Variants in HSPA12A observed in about 807,000 individuals in gnomAD.
HSPA12A encodes heat shock protein family A (Hsp70) member 12A, also known as heat shock 70 kDa protein 12A.
HSPA12A carries 28 observed loss-of-function variants against 69.2 expected under a neutral mutation model. That is an observed-to-expected ratio of 0.40 (90% CI 0.30 to 0.55). The LOEUF (loss-of-function observed/expected upper bound fraction) is 0.55, where lower values mean the gene tolerates loss of function less well. Among genes scored for constraint, HSPA12A ranks in the 20% least tolerant of loss-of-function variants. HSPA12A has a pLI of 0.38. For synonymous variants in HSPA12A, 345 were observed against 370.5 expected (o/e 0.93, Z 0.79); for missense variants, 686 against 900.7 (o/e 0.76, Z 3.05).
intron 6 of HSPA12A, among the ~76,000 whole-genome samples, chr10:116,685,942 T>C (rs1340130011): frequency 1.3e-5 from 2 of 152,092 alleles, no homozygotes; most frequent in Non-Finnish European, 2.9e-5. Flanking sequence ...CCTCTTCCCA[T>C]CACCTAGTAC....
At chr10:116,690,941 G>C (rs1554880083) in intron 6 of HSPA12A, among the ~76,000 whole-genome samples, 1 of 152,242 alleles carries the variant, frequency 6.6e-6, no homozygotes, top group African/African-American at 2.4e-5. Context: ...CAGAACGCCA[G>C]GTGGCGTCTC....
chr10:116,842,385 T>C (rs887407746), intron 1 of HSPA12A, among the ~76,000 whole-genome samples: 13 of 152,194 alleles, frequency 8.5e-5, no homozygotes, highest in Non-Finnish European at 1.8e-4. Context: ...CCTTTAACAT[T>C]TTCTTCACTC....
intron 2 of HSPA12A, among the ~76,000 whole-genome samples, chr10:116,807,265 G>C (rs1272166685): frequency 6.6e-6 from 1 of 152,066 alleles, no homozygotes; most frequent in Non-Finnish European, 1.5e-5. Context: ...CCCTTCCACG[G>C]GGTCACTGTG....
At chr10:116,698,821 A>T (rs1010396054) in intron 4 of HSPA12A, 82 bp from the exon 5 acceptor site, 8 of 1,066,560 alleles carry the variant, frequency 7.5e-6, no homozygotes, top group African/African-American at 1.6e-5. Flanking sequence ...CTCCAAGGGG[A>T]CCTAGAGGAT....
chr10:116,770,001 C>T (rs1844165393), intron 2 of HSPA12A, among the ~76,000 whole-genome samples: 2 of 152,194 alleles, frequency 1.3e-5, no homozygotes, highest in Admixed American at 1.3e-4. Flanking sequence ...CACAGAGCTC[C>T]AAGGTCATTT....
chr10:116,822,413 A>G (rs1363395124), intron 2 of HSPA12A, among the ~76,000 whole-genome samples: 1 of 152,234 alleles, frequency 6.6e-6, no homozygotes, highest in East Asian at 1.9e-4. Flanking sequence ...GAACATACAG[A>G]AAGCAGGAAT....
intron 2 of HSPA12A, among the ~76,000 whole-genome samples, chr10:116,753,666 G>C (rs1361291077): frequency 2.6e-5 from 4 of 151,524 alleles, no homozygotes; most frequent in African/African-American, 7.3e-5. Context: ...CCACCTCCCA[G>C]AGCACAAATT....
At chr10:116,799,790 G>A (rs1239515725) in intron 2 of HSPA12A, among the ~76,000 whole-genome samples, 1 of 152,214 alleles carries the variant, frequency 6.6e-6, no homozygotes, top group Non-Finnish European at 1.5e-5. Context: ...CCAGGTAGGT[G>A]CTCAGCGCGT....
At chr10:116,759,723 G>T (rs1270086984) in intron 2 of HSPA12A, among the ~76,000 whole-genome samples, 3 of 152,192 alleles carry the variant, frequency 2.0e-5, no homozygotes, top group African/African-American at 4.8e-5. Context: ...GATATGGTTT[G>T]GCTGTGTCCC....
chr10:116,842,775 G>A (rs966480507), intron 1 of HSPA12A, among the ~76,000 whole-genome samples: 4 of 152,034 alleles, frequency 2.6e-5, no homozygotes, highest in East Asian at 1.9e-4. Flanking sequence ...GCTAAGTTTT[G>A]TATTTTTAAT....
chr10:116,811,651 A>G (rs1845188148), intron 2 of HSPA12A, among the ~76,000 whole-genome samples: 1 of 151,942 alleles, frequency 6.6e-6, no homozygotes, highest in Non-Finnish European at 1.5e-5. Flanking sequence ...TTGTCAGGCT[A>G]AACATCTTCA....
chr10:116,679,206 A>G (rs1849329832), intron 10 of HSPA12A, among the ~76,000 whole-genome samples: 1 of 152,232 alleles, frequency 6.6e-6, no homozygotes, highest in Admixed American at 6.5e-5. Context: ...CTGCTTTCAT[A>G]GTTCCTCTGT....
rs2133346133 is a variant in HSPA12A at position 116,672,843 on chromosome 10, C to T, written c.*1938G>A. On this transcript the variant is annotated 3_prime_UTR_variant, in exon 12 of 12. Coordinates refer to ENST00000369209, the MANE Select transcript of HSPA12A (RefSeq NM_025015.3). ...GGTAGCAAGAGAACATTAGCAAAGA[C>T]ACCTTTGTGCCTGGATACACAATCC... The T allele has an allele frequency of 6.5e-6, 1 of 152,744 alleles. No homozygotes were observed. The highest frequency in any genetic ancestry group is 2.1e-4 in the South Asian group (1 of 4,830). The allele number at this position is 152,744 out of a possible 1,614,324, so 9.5% of individuals were successfully genotyped here.
At chr10:116,731,059 C>T (rs1216300460) in intron 1 of HSPA12A, among the ~76,000 whole-genome samples, 4 of 152,212 alleles carry the variant, frequency 2.6e-5, no homozygotes, top group African/African-American at 9.6e-5. Context: ...CTGCATGGGC[C>T]CTTGTGGACT....
intron 2 of HSPA12A, among the ~76,000 whole-genome samples, chr10:116,781,831 A>G (rs1554891840): frequency 1.3e-5 from 2 of 152,178 alleles, no homozygotes; most frequent in African/African-American, 4.8e-5. Flanking sequence ...CTGACTCAAC[A>G]AACAAAGCAT....
At chr10:116,828,048 C>A (rs1845543923) in intron 2 of HSPA12A, among the ~76,000 whole-genome samples, 1 of 152,186 alleles carries the variant, frequency 6.6e-6, no homozygotes, top group Non-Finnish European at 1.5e-5. Context: ...GCCTTAGTTT[C>A]TTTTCAGTTC....
chr10:116,723,473 A>G lies in HSPA12A; in HGVS notation c.41-16188T>C, dbSNP rs939331311. On this transcript the variant is annotated intron_variant, in intron 1 of 11. Coordinates refer to ENST00000369209, the MANE Select transcript of HSPA12A (RefSeq NM_025015.3). The surrounding 1 kb of genome is among the most constrained non-coding windows in gnomAD (Gnocchi z 4.1). ...GGGTTCTGGGGCAACACCCAGTTCCACCCTCACCAGCTCTGTCACAGACGG... is the reference window on the plus strand; with the variant it reads ...GGGTTCTGGGGCAACACCCAGTTCCGCCCTCACCAGCTCTGTCACAGACGG... Among the ~76,000 whole-genome samples, 2 of 151,960 alleles carry G rather than the reference A, an allele frequency of 1.3e-5. No individual in the cohort carries two copies. The highest frequency in any genetic ancestry group is 4.8e-5 in the African/African-American group (2 of 41,358).
chr10:116,836,348 T>A (rs972815897), intron 1 of HSPA12A, among the ~76,000 whole-genome samples: 3 of 152,102 alleles, frequency 2.0e-5, no homozygotes, highest in Admixed American at 1.3e-4. Flanking sequence ...GGAGGGAGCA[T>A]AGTCATTGTC....
chr10:116,842,315 C>CT (rs1183310364), intron 1 of HSPA12A, among the ~76,000 whole-genome samples: 1 of 152,176 alleles, frequency 6.6e-6, no homozygotes, highest in Admixed American at 6.5e-5. Flanking sequence ...AAACATCTAA[C>CT]TGGTCCTCTT....
Sources: gnomAD v4.1 joint callset for allele counts (sites outside exome capture counted in the v4.1 genomes callset) on GRCh38, gnomAD v4.1.1 for gene constraint, Gnocchi (gnomAD v3.1) non-coding constraint, MANE v1.5 for transcripts, NCBI Gene and HGNC (gene_info 2026-07-23, HGNC 2026-07-21) for gene names.